The following PDZD2 variants were observed in gnomAD, a reference collection of about 807,000 sequenced individuals.
The protein encoded by PDZD2 is PDZ domain-containing protein 2.
PDZD2 carries 90 observed loss-of-function variants against 220.7 expected under a neutral mutation model. The observed-to-expected ratio is 0.41, with a 90% CI of 0.34 to 0.49. PDZD2 has a LOEUF of 0.49. Among genes scored for constraint, PDZD2 ranks in the 20% least tolerant of loss-of-function variants. The pLI is 0.28. For missense variants in PDZD2, 3,174 were observed against 3,608.5 expected (o/e 0.88, Z 3.08); for synonymous variants, 1,375 against 1,450.5 (o/e 0.95, Z 1.18).
intron 1 of PDZD2, among the ~76,000 whole-genome samples, chr5:31,718,243 G>T (rs1195647428): frequency 6.6e-6 from 1 of 152,202 alleles, no homozygotes; most frequent in Non-Finnish European, 1.5e-5. Flanking sequence ...GTTTCCCAGT[G>T]CAGGGCTGTA....
chr5:31,663,086 C>T (rs532290887), intron 1 of PDZD2, among the ~76,000 whole-genome samples: 71 of 152,324 alleles, frequency 4.7e-4, no homozygotes, highest in African/African-American at 1.5e-3. Flanking sequence ...GATCCATTCA[C>T]GTCCACAATG....
intron 2 of PDZD2, among the ~76,000 whole-genome samples, chr5:31,978,714 C>CAA (rs10632600): frequency 1.6e-5 from 2 of 127,988 alleles, no homozygotes; most frequent in African/African-American, 6.3e-5. Flanking sequence ...GACTCCATCT[C>CAA]AAAAAAAAAA....
chr5:31,930,897 C>T (rs1745222770), intron 2 of PDZD2, among the ~76,000 whole-genome samples: 1 of 152,050 alleles, frequency 6.6e-6, no homozygotes, highest in Non-Finnish European at 1.5e-5. Context: ...GTTGACAGGA[C>T]CTACCAGCAA....
intron 1 of PDZD2, among the ~76,000 whole-genome samples, chr5:31,706,728 C>T (rs1221085872): frequency 6.6e-6 from 1 of 151,730 alleles, no homozygotes; most frequent in Non-Finnish European, 1.5e-5. Context: ...CCTGTAATCC[C>T]AGCTACTTGG....
chr5:31,995,794 G>T, intron 4 of PDZD2, 76 bp downstream of exon 4: 1 of 1,331,634 alleles, frequency 7.5e-7, no homozygotes. Flanking sequence ...TGGTGCAGGT[G>T]CTCTTCCACT....
At chr5:32,058,450 C>A (rs1328458602) in intron 12 of PDZD2, among the ~76,000 whole-genome samples, 1 of 151,490 alleles carries the variant, frequency 6.6e-6, no homozygotes, top group East Asian at 1.9e-4. Flanking sequence ...AGGTAGATCA[C>A]CTGAGGTCAG....
At chr5:31,664,529 C>T (rs369329133) in intron 1 of PDZD2, among the ~76,000 whole-genome samples, 1 of 152,032 alleles carries the variant, frequency 6.6e-6, no homozygotes, top group African/African-American at 2.4e-5. Context: ...TACATGCACA[C>T]ACACACTAAA....
At chr5:31,852,614 T>C (rs1479472616) in intron 2 of PDZD2, among the ~76,000 whole-genome samples, 1 of 151,984 alleles carries the variant, frequency 6.6e-6, no homozygotes, top group Non-Finnish European at 1.5e-5. Context: ...TTTATGTTTT[T>C]GAGTTGGAGT....
chr5:31,811,944 C>T (rs1250025163), intron 2 of PDZD2, among the ~76,000 whole-genome samples: 4 of 151,680 alleles, frequency 2.6e-5, no homozygotes, highest in South Asian at 4.2e-4. Flanking sequence ...GAGCTGAGAT[C>T]GTGCCACTGC....
At chr5:31,749,953 T>C (rs1409176734) in intron 1 of PDZD2, among the ~76,000 whole-genome samples, 1 of 152,230 alleles carries the variant, frequency 6.6e-6, no homozygotes, top group Non-Finnish European at 1.5e-5. Context: ...TGTTTATCTT[T>C]GGGCTTGCAG....
rs970883060 is a variant in PDZD2, at chr5:32,108,427, C to T, written c.*292C>T. 1.9e-5 allele frequency: 4 copies of T among 208,760 alleles called. No individual in the cohort carries two copies. The highest frequency in any genetic ancestry group is 9.2e-5 in the African/African-American group (4 of 43,426). 12.9% of individuals were successfully genotyped at this position (208,760 alleles called of 1,614,324 possible). A position where few individuals can be genotyped will look rare whatever the true frequency, so the allele number is the denominator to read the frequency against. On this transcript the variant is annotated 3_prime_UTR_variant, in exon 25 of 25. Coordinates refer to ENST00000438447, the MANE Select transcript of PDZD2 (RefSeq NM_178140.4). ...ATGGGGATACAAGATGTGACACACCCTTCTTTATTTGAAACAAACAAACAT... is the reference window on the plus strand; with the variant it reads ...ATGGGGATACAAGATGTGACACACCTTTCTTTATTTGAAACAAACAAACAT...
At chr5:31,984,725 G>A (rs1020023194) in intron 3 of PDZD2, among the ~76,000 whole-genome samples, 2 of 152,060 alleles carry the variant, frequency 1.3e-5, no homozygotes, top group African/African-American at 2.4e-5. Context: ...ATTAGCTGGG[G>A]GCCTGAGTGA....
At chr5:32,094,806 T>C (rs1427988763) in intron 21 of PDZD2, among the ~76,000 whole-genome samples, 1 of 152,010 alleles carries the variant, frequency 6.6e-6, no homozygotes, top group Non-Finnish European at 1.5e-5. Context: ...TTGGGTCCAG[T>C]AGTTTGAGGC....
At chr5:31,963,997 C>A (rs998363409) in intron 2 of PDZD2, among the ~76,000 whole-genome samples, 2 of 152,156 alleles carry the variant, frequency 1.3e-5, no homozygotes, top group Non-Finnish European at 2.9e-5. Flanking sequence ...TTCCAGCCCT[C>A]GAGTTTTAGA....
At chr5:31,883,413 GT>G (rs1740130603) in intron 2 of PDZD2, among the ~76,000 whole-genome samples, 2 of 151,514 alleles carry the variant, frequency 1.3e-5, no homozygotes. Flanking sequence ...TAGAGATGGG[GT>G]TTTGCCAAGT....
chr5:31,923,566 A>G, intron 2 of PDZD2: 2 of 847,066 alleles, frequency 2.4e-6, no homozygotes, highest in East Asian at 2.6e-5. Flanking sequence ...TTTGGAGGCA[A>G]TCAGTGGACA....
intron 19 of PDZD2, among the ~76,000 whole-genome samples, chr5:32,078,576 G>A (rs1339996574): frequency 1.4e-5 from 2 of 146,676 alleles, no homozygotes; most frequent in East Asian, 2.0e-4. Flanking sequence ...AGGTTGCAGT[G>A]AGCCAAGATC....
chr5:31,774,368 G>A (rs533793188), intron 1 of PDZD2, among the ~76,000 whole-genome samples: 1 of 152,102 alleles, frequency 6.6e-6, no homozygotes, highest in East Asian at 1.9e-4. Context: ...GTTGATCATT[G>A]TGCAGAGAAT....
intron 2 of PDZD2, among the ~76,000 whole-genome samples, chr5:31,816,860 T>C (rs1298785111): frequency 1.3e-5 from 2 of 152,198 alleles, no homozygotes; most frequent in African/African-American, 4.8e-5. Context: ...TGTATCCTTG[T>C]GAGGTATCTT....
Sources: allele counts gnomAD v4.1 joint callset (sites outside exome capture counted in the v4.1 genomes callset), GRCh38; gene constraint gnomAD v4.1.1; transcripts MANE v1.5; gene names NCBI Gene and HGNC (gene_info 2026-07-23, HGNC 2026-07-21).